The following CENPM variants were observed in gnomAD, a reference collection of about 807,000 sequenced individuals.
CENPM encodes centromere protein M, also known as interphase centromere complex protein 39.
A neutral mutation model predicts 19.6 loss-of-function variants in CENPM; 14 were observed. The ratio of observed to expected loss-of-function variants is 0.71; its 90% CI spans 0.47 to 1.11. The LOEUF (loss-of-function observed/expected upper bound fraction) is 1.11. Ranked by LOEUF, CENPM falls within the 50% of genes most tolerant of loss-of-function variation. CENPM has a pLI of 0.00. For missense variants in CENPM, 239 were observed against 228.4 expected, an observed-to-expected ratio of 1.05 and a Z score of -0.30; for synonymous variants, 114 against 101.5, an observed-to-expected ratio of 1.12 and a Z score of -0.74.
chr22:41,935,471 C>T (rs1231365783), downstream of CENPM, among the ~76,000 whole-genome samples: 1 of 152,142 alleles, frequency 6.6e-6, no homozygotes, highest in Non-Finnish European at 1.5e-5. Context: ...GACAGAAGGG[C>T]CAAAGACAAG....
At chr22:41,928,814 C>T in the CENPM span, among the ~76,000 whole-genome samples, 3 of 152,274 alleles carry the variant, frequency 2.0e-5, no homozygotes, top group South Asian at 2.1e-4. This position sits in a 1 kb window ranked among gnomAD's most constrained non-coding sequence, Gnocchi z 4.0. Context: ...CTGCAAGGGT[C>T]CCTCTCTCTG....
At chr22:41,946,959 G>A in intron 1 of CENPM, 61 bp downstream of exon 1, 1 of 1,555,496 alleles carries the variant, frequency 6.4e-7, no homozygotes, top group Non-Finnish European at 8.9e-7. Flanking sequence ...AGTTGACCTA[G>A]TGGCTGAAGC....
downstream of CENPM, among the ~76,000 whole-genome samples, chr22:41,934,482 G>A (rs931876076): frequency 2.0e-5 from 3 of 152,022 alleles, no homozygotes; most frequent in African/African-American, 4.8e-5. Flanking sequence ...AGTAGCCTTC[G>A]CCCCCCCATT....
At chr22:41,942,243 AC>A (rs1471372004) in intron 5 of CENPM, among the ~76,000 whole-genome samples, 1 of 152,300 alleles carries the variant, frequency 6.6e-6, no homozygotes, top group African/African-American at 2.4e-5. Context: ...CCCTCAGTAG[AC>A]CCATCGCGGG....
Position 41,943,652 on chromosome 22 carries a change from C to G in CENPM, c.360G>C (p.Leu120=). The G allele has an allele frequency of 6.2e-7, 1 of 1,613,868 alleles. No individual in the cohort carries two copies. The highest frequency in any genetic ancestry group is 8.5e-7 in the Non-Finnish European group (1 of 1,179,932). ...CSIHRHTVVK[L]AHTYQSPLLY... is the part of the protein sequence containing the mutation. ...GCAGGGGGCTTTGATAGGTGTGGGCCAGCTTCACCACGGTGTGCCGGTGAA... is the reference window on the plus strand; with the variant it reads ...GCAGGGGGCTTTGATAGGTGTGGGCGAGCTTCACCACGGTGTGCCGGTGAA... Residue 120 remains leucine (L), a synonymous_variant, in exon 5 of 6, where the codon CTG becomes CTC. Coordinates refer to ENST00000215980, the MANE Select transcript of CENPM (RefSeq NM_024053.5).
At chr22:41,930,814 C>T in the CENPM span, among the ~76,000 whole-genome samples, 2 of 151,342 alleles carry the variant, frequency 1.3e-5, no homozygotes, top group African/African-American at 4.9e-5. Flanking sequence ...GCCACCACTC[C>T]TGGCCTAATT....
intron 5 of CENPM, among the ~76,000 whole-genome samples, chr22:41,939,622 G>A (rs369383779): frequency 1.6e-4 from 24 of 151,582 alleles, no homozygotes; most frequent in African/African-American, 5.3e-4. Flanking sequence ...GAGGGGCAGC[G>A]GGTGGCCCTC....
Position 41,939,104 on chromosome 22 carries a change from C to T in CENPM, c.495G>A (p.Leu165=). 1 of 1,613,058 alleles carries T rather than the reference C, an allele frequency of 6.2e-7. No homozygotes were observed. The change falls in exon 6 of 6, where the codon CTG becomes CTA. Residue 165 remains leucine (L), a synonymous_variant. Transcript: ENST00000215980. ...GHVPGVSALN[L]LSLLRSSEGP... ...CCTCAGAGCTTCTCAGCAGGGACAGCAGGTTCAGAGCTGAGACACCGGGCA... is the reference window on the plus strand; with the variant it reads ...CCTCAGAGCTTCTCAGCAGGGACAGTAGGTTCAGAGCTGAGACACCGGGCA...
In CENPM at chr22:41,939,161, C is replaced by G; in HGVS notation, c.438G>C (p.Leu146=). The part of the protein sequence containing the change: ...EGFRATMAQR[L]VRVLQICAGH... Reference sequence around the variant, plus strand: ...CAGCACAGATCTGCAGCACGCGCACCAGGCGCTGCGCCATGGTGGCCCTAA... The same window carrying G: ...CAGCACAGATCTGCAGCACGCGCACGAGGCGCTGCGCCATGGTGGCCCTAA... Residue 146 remains leucine, a synonymous_variant, in exon 6 of 6, where the codon CTG becomes CTC. Coordinates refer to ENST00000215980, the MANE Select transcript of CENPM (RefSeq NM_024053.5). 1 of 1,612,482 alleles carries G rather than the reference C, an allele frequency of 6.2e-7. No homozygotes were observed. The highest frequency in any genetic ancestry group is 1.3e-5 in the African/African-American group (1 of 75,052).
At chr22:41,932,402 C>CA in the CENPM span, among the ~76,000 whole-genome samples, 1 of 152,298 alleles carries the variant, frequency 6.6e-6, no homozygotes, top group East Asian at 1.9e-4. The surrounding 1 kb of genome is among the most constrained non-coding windows in gnomAD (Gnocchi z 4.3). Flanking sequence ...GACCCAGAGG[C>CA]AGAGGCCTGG....
chr22:41,928,768 G>C, the CENPM span, among the ~76,000 whole-genome samples: 1 of 149,284 alleles, frequency 6.7e-6, no homozygotes, highest in African/African-American at 2.6e-5. This position sits in a 1 kb window ranked among gnomAD's most constrained non-coding sequence, Gnocchi z 4.0. Flanking sequence ...ACAGAACCTG[G>C]GGGTGTCTGG....
At chr22:41,943,218 C>G (rs752290625) in intron 5 of CENPM, among the ~76,000 whole-genome samples, 2 of 152,216 alleles carry the variant, frequency 1.3e-5, no homozygotes, top group Non-Finnish European at 2.9e-5. Flanking sequence ...CGGACATACG[C>G]TTGGCCTCAC....
intron 5 of CENPM, among the ~76,000 whole-genome samples, chr22:41,942,327 A>C (rs2077748499): frequency 6.6e-6 from 1 of 152,200 alleles, no homozygotes; most frequent in South Asian, 2.1e-4. Context: ...AAAGCGGCTA[A>C]AGGCCAGGCT....
At chr22:41,945,415 G>A in intron 3 of CENPM, 111 bp from the exon 4 acceptor site, 1 of 1,522,762 alleles carries the variant, frequency 6.6e-7, no homozygotes, top group Non-Finnish European at 8.8e-7. Flanking sequence ...TGACAAGAGG[G>A]TGACTTTCTC....
chr22:41,943,699 C>T lies in CENPM; in HGVS notation c.313G>A (p.Gly105Arg), dbSNP rs1362398257. The change falls in exon 5 of 6, where the codon GGG becomes AGG. Residue 105 changes from glycine (G) to arginine (R), a missense_variant and splice_region_variant. By Grantham distance (125) the Gly-to-Arg change is moderately radical (BLOSUM62 -2). Coordinates refer to ENST00000215980, the MANE Select transcript of CENPM (RefSeq NM_024053.5). Reference sequence around the variant, plus strand: ...TGAATGCTGCAGTGGCTCTCCCGCCCAGCTGGAAAGAAGCCATGAGTGCTA... The same window carrying T: ...TGAATGCTGCAGTGGCTCTCCCGCCTAGCTGGAAAGAAGCCATGAGTGCTA... ...GKVCFLATGA[G>R]RESHCSIHRH... is the part of the protein sequence containing the mutation. 1 of 1,613,190 alleles carries T rather than the reference C, an allele frequency of 6.2e-7. No individual in the cohort carries two copies. The highest frequency in any genetic ancestry group is 1.7e-5 in the Admixed American group (1 of 59,964).
chr22:41,943,504 C>T (rs1295279053), intron 5 of CENPM, 106 bp downstream of exon 5: 5 of 954,450 alleles, frequency 5.2e-6, no homozygotes, highest in South Asian at 1.7e-5. Context: ...CTGCCTCGCT[C>T]GGATACTAAG....
the CENPM span, among the ~76,000 whole-genome samples, chr22:41,933,259 C>G: frequency 6.6e-6 from 1 of 151,846 alleles, no homozygotes; most frequent in Non-Finnish European, 1.5e-5. Context: ...AGAGGGAAAG[C>G]AGGCTAGAGT....
Position 41,944,619 on chromosome 22 carries a change from G to A in CENPM, c.310+606C>T, listed in dbSNP as rs79469739. The A allele has an allele frequency of 8.9e-4, 848 of 948,674 alleles. 5 individuals carry two copies. The African/African-American group carries it at 0.014, about 16-fold the overall frequency. 58.8% of individuals were successfully genotyped at this position (948,674 alleles called of 1,614,324 possible). A position where few individuals can be genotyped will look rare whatever the true frequency, so the allele number is the denominator to read the frequency against. Reference sequence around the variant, plus strand: ...AAGCAATTACCGTGTCTGCCTCACAGTGACAGCTCAAAAGATGTCAGCCAT... The same window carrying A: ...AAGCAATTACCGTGTCTGCCTCACAATGACAGCTCAAAAGATGTCAGCCAT... On this transcript the variant is annotated intron_variant, in intron 4 of 5. Coordinates refer to ENST00000215980, the MANE Select transcript of CENPM (RefSeq NM_024053.5).
chr22:41,939,892 AAG>A (rs1429608288), intron 5 of CENPM, among the ~76,000 whole-genome samples: 1 of 127,226 alleles, frequency 7.9e-6, no homozygotes, highest in Non-Finnish European at 1.7e-5. Flanking sequence ...GAAAGAAAGA[AAG>A]AAAGAAAGAA....
Sources: gnomAD v4.1 joint callset for allele counts (sites outside exome capture counted in the v4.1 genomes callset) on GRCh38, gnomAD v4.1.1 for gene constraint, Gnocchi (gnomAD v3.1) non-coding constraint, MANE v1.5 for transcripts, NCBI Gene and HGNC (gene_info 2026-07-23, HGNC 2026-07-21) for gene names.